HMGCLL1: variants seen among roughly 807,000 people sequenced by gnomAD.
HMGCLL1 encodes the protein 3-hydroxymethyl-3-methylglutaryl-CoA lyase, cytoplasmic.
In HMGCLL1, 36 loss-of-function variants were observed where a neutral mutation model predicts 39.1. The observed-to-expected ratio is 0.92, with a 90% confidence interval of 0.71 to 1.22. The LOEUF is 1.22. Among genes scored for constraint, HMGCLL1 ranks in the 50% most tolerant of loss-of-function variants. The pLI is 0.00. For missense variants in HMGCLL1, 451 were observed against 416.5 expected, an observed-to-expected ratio of 1.08 and a Z score of -0.72; for synonymous variants, 149 against 144.0, an observed-to-expected ratio of 1.03 and a Z score of -0.25.
chr6:55,591,074 C>T, the HMGCLL1 span, among the ~76,000 whole-genome samples: 1 of 151,962 alleles, frequency 6.6e-6, no homozygotes, highest in African/African-American at 2.4e-5. Flanking sequence ...TAAAAAGACA[C>T]TTTTTATGTA....
the HMGCLL1 span, among the ~76,000 whole-genome samples, chr6:55,593,615 G>T: frequency 6.6e-6 from 1 of 152,018 alleles, no homozygotes; most frequent in Non-Finnish European, 1.5e-5. Flanking sequence ...ATTTTTAAAG[G>T]AATATAGTGT....
intron 7 of HMGCLL1, among the ~76,000 whole-genome samples, chr6:55,489,762 C>A (rs1197945047): frequency 6.6e-6 from 1 of 151,918 alleles, no homozygotes; most frequent in Non-Finnish European, 1.5e-5. Flanking sequence ...TATAATCACA[C>A]TAATTTAATT....
the HMGCLL1 span, among the ~76,000 whole-genome samples, chr6:55,610,073 G>A: frequency 2.6e-5 from 4 of 152,124 alleles, no homozygotes; most frequent in East Asian, 7.7e-4. Context: ...ATGAAGATGA[G>A]AAATAATCAA....
chr6:55,435,849 G>C (rs1763348984), intron 8 of HMGCLL1, 86 bp from the exon 9 acceptor site: 1 of 579,542 alleles, frequency 1.7e-6, no homozygotes, highest in Non-Finnish European at 2.9e-6. Context: ...TTTATTAGTA[G>C]TTACTTAACC....
chr6:55,657,051 T>C, the HMGCLL1 span, among the ~76,000 whole-genome samples: 374 of 151,242 alleles, frequency 2.5e-3, 1 homozygote, highest in Middle Eastern at 6.8e-3. Flanking sequence ...GGTTTTGTTG[T>C]TTTTTTTCTA....
chr6:55,467,811 T>C (rs1764856973), intron 7 of HMGCLL1, among the ~76,000 whole-genome samples: 1 of 152,020 alleles, frequency 6.6e-6, no homozygotes, highest in South Asian at 2.1e-4. Context: ...TCAACTGTGA[T>C]GCACAGCCTT....
chr6:55,495,811 T>C (rs576056053), intron 6 of HMGCLL1, among the ~76,000 whole-genome samples: 2 of 152,294 alleles, frequency 1.3e-5, no homozygotes, highest in East Asian at 1.9e-4. Flanking sequence ...ATTGCAATTA[T>C]CTTTTTCTAA....
chr6:55,562,605 T>C (rs992059891), intron 1 of HMGCLL1, among the ~76,000 whole-genome samples: 2 of 152,098 alleles, frequency 1.3e-5, no homozygotes, highest in Non-Finnish European at 2.9e-5. Flanking sequence ...AGTAAGACTA[T>C]GTTTTACTGT....
At chr6:55,598,703 T>C in the HMGCLL1 span, among the ~76,000 whole-genome samples, 1 of 152,188 alleles carries the variant, frequency 6.6e-6, no homozygotes, top group South Asian at 2.1e-4. Flanking sequence ...TATTGTTAGT[T>C]TTCAAGCTTG....
chr6:55,580,619 G>A (rs976497401), upstream of HMGCLL1, among the ~76,000 whole-genome samples: 5 of 151,828 alleles, frequency 3.3e-5, no homozygotes, highest in Non-Finnish European at 7.4e-5. Context: ...GTTTCACCGC[G>A]TTAGCCAGGA....
At chr6:55,595,577 T>C in the HMGCLL1 span, among the ~76,000 whole-genome samples, 1 of 152,234 alleles carries the variant, frequency 6.6e-6, no homozygotes, top group Non-Finnish European at 1.5e-5. Context: ...TTGTGAATGC[T>C]ACTGTAAATT....
chr6:55,543,180 T>TC (rs1769619100), intron 1 of HMGCLL1, among the ~76,000 whole-genome samples: 1 of 9,964 alleles, frequency 1.0e-4, no homozygotes, highest in African/African-American at 2.2e-4. Context: ...ATATAATATA[T>TC]AATATATAAT....
rs547648038 is a variant in HMGCLL1 at position 55,549,513 on chromosome 6, T to C, written c.109-7373A>G. ...TGATACATTTCTGAAAACTACGGTT[T>C]ATAATAGAAAATGAAACTATTCATA... On this transcript the variant is annotated intron_variant, in intron 1 of 8. Coordinates refer to ENST00000274901, the MANE Select transcript of HMGCLL1 (RefSeq NM_001042406.2). 1.8e-4 allele frequency among the ~76,000 whole-genome samples: 28 copies of C among 151,918 alleles called. No homozygotes were observed. In the South Asian group the frequency reaches 5.4e-3, roughly 29 times the overall value.
the HMGCLL1 span, among the ~76,000 whole-genome samples, chr6:55,636,654 G>T: frequency 6.6e-6 from 1 of 152,134 alleles, no homozygotes; most frequent in South Asian, 2.1e-4. Context: ...TCTGGAGAGT[G>T]CAAACAAAGG....
the HMGCLL1 span, among the ~76,000 whole-genome samples, chr6:55,631,029 GA>G: frequency 6.6e-6 from 1 of 151,908 alleles, no homozygotes; most frequent in Non-Finnish European, 1.5e-5. Flanking sequence ...TAAATGTCTG[GA>G]AGTCATCTTC....
At chr6:55,666,592 A>G in the HMGCLL1 span, among the ~76,000 whole-genome samples, 1 of 151,668 alleles carries the variant, frequency 6.6e-6, no homozygotes, top group Non-Finnish European at 1.5e-5. Flanking sequence ...TCATAGATTC[A>G]TAGCGGGACT....
At chr6:55,439,608 A>G in intron 7 of HMGCLL1, 49 bp from the exon 8 acceptor site, 2 of 1,582,188 alleles carry the variant, frequency 1.3e-6, no homozygotes, top group Admixed American at 1.8e-5. Context: ...ATGGCATGTA[A>G]ATTGTTGCAT....
chr6:55,581,378 A>C (rs1176214919), upstream of HMGCLL1, among the ~76,000 whole-genome samples: 1 of 152,106 alleles, frequency 6.6e-6, no homozygotes, highest in African/African-American at 2.4e-5. Flanking sequence ...TTTTAAACAA[A>C]ATTTGTACAA....
the HMGCLL1 span, among the ~76,000 whole-genome samples, chr6:55,651,269 C>T: frequency 1.3e-5 from 2 of 152,078 alleles, no homozygotes; most frequent in South Asian, 2.1e-4. Context: ...GCCAAAACTA[C>T]ATCAGCTTCA....
Sources: gnomAD v4.1 joint callset for allele counts (sites outside exome capture counted in the v4.1 genomes callset) on GRCh38, gnomAD v4.1.1 for gene constraint, MANE v1.5 for transcripts, NCBI Gene and HGNC (gene_info 2026-07-23, HGNC 2026-07-21) for gene names.